SDK1: variants seen among roughly 807,000 people sequenced by gnomAD.
SDK1 encodes protein sidekick-1.
Under a neutral mutation model 245.5 loss-of-function variants are expected in SDK1, and 157 were observed. That is an observed-to-expected ratio of 0.64 (90% CI 0.56 to 0.73). The LOEUF (loss-of-function observed/expected upper bound fraction) is 0.73. Among genes scored for constraint, SDK1 ranks in the 30% least tolerant of loss-of-function variants. SDK1 has a pLI of 0.00. For synonymous variants in SDK1, 1,647 were observed against 1,278.5 expected (o/e 1.29, Z -6.15); for missense variants, 3,583 against 3,002.3 (o/e 1.19, Z -4.52).
At chr7:3,843,522 C>T (rs547844995) in intron 5 of SDK1, among the ~76,000 whole-genome samples, 2 of 152,180 alleles carry the variant, frequency 1.3e-5, no homozygotes, top group Admixed American at 6.5e-5. Flanking sequence ...GGTGATATTC[C>T]TTCATTAGTT....
chr7:3,708,785 A>G (rs1044406213), intron 4 of SDK1, among the ~76,000 whole-genome samples: 5 of 152,390 alleles, frequency 3.3e-5, no homozygotes, highest in Middle Eastern at 3.4e-3. Flanking sequence ...TCCAAACTCT[A>G]TTACCTTACA....
At chr7:4,178,393 C>A in intron 34 of SDK1, 92 bp from the exon 35 acceptor site, 1 of 900,288 alleles carries the variant, frequency 1.1e-6, no homozygotes, top group Non-Finnish European at 1.9e-6. Context: ...TTGGAGGGTG[C>A]TCCTTGCTTC....
chr7:3,416,395 C>A (rs575454065), intron 1 of SDK1, among the ~76,000 whole-genome samples: 1 of 151,726 alleles, frequency 6.6e-6, no homozygotes, highest in East Asian at 1.9e-4. Flanking sequence ...GAAAGAATGG[C>A]AAATTGGAAA....
rs1418335916 is a variant in SDK1 at position 3,580,996 on chromosome 7, C to CAAAAAAAAAAAAAAAAA, written c.299-38080_299-38079insAAAAAAAAAAAAAAAAA. ...AAAAAAAAAAAAAAAAAAAAAAAACCAAAACAAAACCCTGGAAGACAATCT... is the reference window on the plus strand; with the variant it reads ...AAAAAAAAAAAAAAAAAAAAAAAACCAAAAAAAAAAAAAAAAAAAAACAAAACCCTGGAAGACAATCT... On this transcript the variant is annotated intron_variant, in intron 1 of 44. Coordinates refer to ENST00000404826, the MANE Select transcript of SDK1 (RefSeq NM_152744.4). 3.9e-4 allele frequency among the ~76,000 whole-genome samples: 36 copies of CAAAAAAAAAAAAAAAAA among 92,964 alleles called. 5 individuals carry two copies. The highest frequency in any genetic ancestry group is 1.3e-3 in the South Asian group (3 of 2,274). 61.0% of individuals were successfully genotyped at this position (92,964 alleles called of 152,430 possible). A position where few individuals can be genotyped will look rare whatever the true frequency, so the allele number is the denominator to read the frequency against.
chr7:3,970,479 C>A (rs1018249888), intron 11 of SDK1, among the ~76,000 whole-genome samples: 15 of 152,168 alleles, frequency 9.9e-5, no homozygotes, highest in African/African-American at 3.1e-4. Context: ...TAAATAGTAA[C>A]CATACATTTA....
At chr7:3,424,013 G>A (rs1779604692) in intron 1 of SDK1, among the ~76,000 whole-genome samples, 1 of 151,680 alleles carries the variant, frequency 6.6e-6, no homozygotes, top group African/African-American at 2.4e-5. Context: ...CCAGGTTCAA[G>A]CGATCCTCCT....
intron 5 of SDK1, among the ~76,000 whole-genome samples, chr7:3,837,863 A>G (rs376289312): frequency 3.9e-5 from 6 of 152,220 alleles, no homozygotes; most frequent in African/African-American, 1.4e-4. Context: ...AGCATTTTGC[A>G]TACAAAAGGG....
intron 1 of SDK1, among the ~76,000 whole-genome samples, chr7:3,498,649 G>T (rs948906834): frequency 6.6e-6 from 1 of 151,678 alleles, no homozygotes; most frequent in African/African-American, 2.4e-5. Flanking sequence ...CACAGACACA[G>T]TTGCTTAGTC....
intron 1 of SDK1, among the ~76,000 whole-genome samples, chr7:3,311,588 G>T (rs1779551540): frequency 6.6e-6 from 1 of 151,882 alleles, no homozygotes; most frequent in African/African-American, 2.4e-5. Flanking sequence ...TTGAGGCTGG[G>T]AAAAAAAATT....
chr7:4,234,989 A>G (rs1471754131), intron 41 of SDK1, among the ~76,000 whole-genome samples: 1 of 152,144 alleles, frequency 6.6e-6, no homozygotes, highest in Non-Finnish European at 1.5e-5. Flanking sequence ...TACTGACTGC[A>G]CTTGTTGAAA....
chr7:4,267,468 C>T lies in SDK1; in HGVS notation c.*2084C>T. The stretch of plus-strand genomic sequence containing the variant: ...ACAGTTCCCCGGATGAGACTCACCA[C>T]AGTGGACAGTGCCACCTCCTTCCCC... On this transcript the variant is annotated 3_prime_UTR_variant, in exon 45 of 45. Coordinates refer to ENST00000404826, the MANE Select transcript of SDK1 (RefSeq NM_152744.4). The T allele has an allele frequency of 3.0e-6, 3 of 985,426 alleles. No individual in the cohort carries two copies. The highest frequency in any genetic ancestry group is 3.6e-6 in the Non-Finnish European group (3 of 829,942). 61.0% of individuals were successfully genotyped at this position (985,426 alleles called of 1,614,324 possible).
intron 44 of SDK1, among the ~76,000 whole-genome samples, chr7:4,258,287 CT>C (rs943360537): frequency 3.2e-4 from 49 of 152,318 alleles, no homozygotes; most frequent in African/African-American, 1.2e-3. Flanking sequence ...CGAACCACCC[CT>C]AGGCCCCACC....
At chr7:3,632,175 A>C (rs901105726) in intron 2 of SDK1, among the ~76,000 whole-genome samples, 1 of 152,194 alleles carries the variant, frequency 6.6e-6, no homozygotes, top group East Asian at 1.9e-4. Context: ...TGAGAGAGCA[A>C]TTAATGCTCA....
At chr7:3,434,619 A>G (rs1015244983) in intron 1 of SDK1, among the ~76,000 whole-genome samples, 2 of 152,138 alleles carry the variant, frequency 1.3e-5, no homozygotes, top group Non-Finnish European at 1.5e-5. Flanking sequence ...ACCTAAGGTC[A>G]TTTTGCCAGC....
At chr7:3,575,978 G>C (rs1780274708) in intron 1 of SDK1, among the ~76,000 whole-genome samples, 1 of 152,012 alleles carries the variant, frequency 6.6e-6, no homozygotes, top group African/African-American at 2.4e-5. Flanking sequence ...GATTGAATGG[G>C]CTTTCTGCTC....
At position 4,245,657 on chromosome 7, in the gene SDK1, G is replaced by C. The variant is rs747815503; in HGVS notation, c.6252-19G>C. ...GTCTTTTGCCCAGAGGGTAATTGCA[G>C]CATGGGTCCTCATCCTAGGTCCCCA... is the stretch of plus-strand genomic sequence containing the variant. On this transcript the variant is annotated intron_variant, in intron 43 of 44. Coordinates refer to ENST00000404826, the MANE Select transcript of SDK1 (RefSeq NM_152744.4). The C allele has an allele frequency of 1.3e-5, 21 of 1,612,600 alleles. No homozygotes were observed. Among genetic ancestry groups the C allele is most frequent in the Non-Finnish European group, 1.7e-5 (20 of 1,179,050 alleles).
intron 5 of SDK1, among the ~76,000 whole-genome samples, chr7:3,932,330 C>T (rs776052065): frequency 6.6e-6 from 1 of 152,114 alleles, no homozygotes; most frequent in Non-Finnish European, 1.5e-5. Flanking sequence ...CTCTCTCTGT[C>T]GTCAACTTTA....
At position 3,969,321 on chromosome 7, in the gene SDK1, T is replaced by A. The variant is rs746258010; in HGVS notation, c.1611T>A (p.Gly537=). The A allele has an allele frequency of 1.2e-6, 2 of 1,610,900 alleles. No individual in the cohort carries two copies. The highest frequency in any genetic ancestry group is 2.7e-5 in the African/African-American group (2 of 74,922). ...IPRFMLLESG[G]LQIAPVFIQD... ...GGTTCATGCTTCTTGAATCGGGGGG[T>A]CTACAGATCGCGCCCGTCTTCATCC... The change falls in exon 11 of 45, where the codon GGT becomes GGA. Residue 537 remains glycine, a synonymous_variant. Transcript: ENST00000404826.
At chr7:3,786,698 G>T (rs1018470586) in intron 4 of SDK1, among the ~76,000 whole-genome samples, 1 of 152,160 alleles carries the variant, frequency 6.6e-6, no homozygotes, top group South Asian at 2.1e-4. Context: ...TCTTTTTCTC[G>T]CTGATGAAAT....
Sources: gnomAD v4.1 joint callset for allele counts (sites outside exome capture counted in the v4.1 genomes callset) on GRCh38, gnomAD v4.1.1 for gene constraint, MANE v1.5 for transcripts, NCBI Gene and HGNC (gene_info 2026-07-23, HGNC 2026-07-21) for gene names.